ADCK1: variants seen among roughly 807,000 people sequenced by gnomAD.
The protein encoded by ADCK1 is aarF domain containing kinase 1.
A neutral mutation model predicts 52.3 loss-of-function variants in ADCK1; 41 were observed. The observed-to-expected ratio is 0.78, with a 90% CI of 0.61 to 1.02. ADCK1 has a LOEUF of 1.02. Among genes scored for constraint, ADCK1 ranks in the 50% least tolerant of loss-of-function variants. The pLI is 0.00. For missense variants in ADCK1, 658 were observed against 679.5 expected, an observed-to-expected ratio of 0.97 and a Z score of 0.35; for synonymous variants, 250 against 274.6, an observed-to-expected ratio of 0.91 and a Z score of 0.89.
At chr14:77,901,680 G>A (rs1010194966) in intron 6 of ADCK1, among the ~76,000 whole-genome samples, 2 of 152,104 alleles carry the variant, frequency 1.3e-5, no homozygotes, top group African/African-American at 2.4e-5. Flanking sequence ...GTGAGCCACC[G>A]CGGCCGGCCG....
At chr14:77,894,484 G>T (rs938725615) in intron 5 of ADCK1, among the ~76,000 whole-genome samples, 1 of 152,070 alleles carries the variant, frequency 6.6e-6, no homozygotes, top group Non-Finnish European at 1.5e-5. Flanking sequence ...GTCCTGTGTC[G>T]TTGTGTTGTG....
rs1225906507 is a variant in ADCK1, at chr14:77,931,551, C to T, written c.1240C>T (p.Leu414Phe). 2 of 1,614,106 alleles carry T rather than the reference C, an allele frequency of 1.2e-6. No homozygotes were observed. The highest frequency in any genetic ancestry group is 2.2e-5 in the South Asian group (2 of 91,092). ...LEIRNNAANY[L>F]PQISHLLNHV... ...GATTCGCAACAACGCGGCCAACTAC[C>T]TCCCCCAGATCAGCCATCTCCTCAA... The change falls in exon 10 of 11, where the codon CTC becomes TTC. Residue 414 changes from leucine to phenylalanine, a missense_variant. Physicochemically the swap from Leu to Phe is conservative, Grantham distance 22 (BLOSUM62 0). Transcript: ENST00000238561.
At chr14:77,879,222 C>T (rs144363763) in intron 4 of ADCK1, among the ~76,000 whole-genome samples, 289 of 152,308 alleles carry the variant, frequency 1.9e-3, no homozygotes, top group African/African-American at 6.7e-3. Flanking sequence ...TTAGGAAATA[C>T]TTACCGAGTA....
chr14:77,931,720 G>T lies in ADCK1; in HGVS notation c.1400+9G>T. On this transcript the variant is annotated intron_variant, in intron 10 of 10. Coordinates refer to ENST00000238561, the MANE Select transcript of ADCK1 (RefSeq NM_020421.4). Reference sequence around the variant, plus strand: ...ATCAGAGCGCTAGCTGAGTGAGTGTGGGCTCCTCCCTCTCCTCCCCTCCTA... The same window carrying T: ...ATCAGAGCGCTAGCTGAGTGAGTGTTGGCTCCTCCCTCTCCTCCCCTCCTA... 1 of 1,598,262 alleles carries T rather than the reference G, an allele frequency of 6.3e-7. No homozygotes were observed. Among genetic ancestry groups the T allele is most frequent in the Non-Finnish European group, 8.5e-7 (1 of 1,177,460 alleles).
intron 3 of ADCK1, among the ~76,000 whole-genome samples, chr14:77,828,314 T>A (rs2081764759): frequency 6.6e-6 from 1 of 152,210 alleles, no homozygotes; most frequent in South Asian, 2.1e-4. Context: ...TTGCCCCTGT[T>A]CCGTTTATAA....
rs1322278919 is a variant in ADCK1 at position 77,838,785 on chromosome 14, C to CCTGG, written c.219+16269_219+16272dup. Among the ~76,000 whole-genome samples, 10 of 152,342 alleles carry CCTGG rather than the reference C, an allele frequency of 6.6e-5. No individual in the cohort carries two copies. In the East Asian group the frequency reaches 1.5e-3, roughly 23 times the overall value. ...TGAAGGGGGATGTCTCTCTGCTGTG[C>CCTGG]CTGGCCACAGTGCAGACTATCTAAG... On this transcript the variant is annotated intron_variant, in intron 3 of 10. Coordinates refer to ENST00000238561, the MANE Select transcript of ADCK1 (RefSeq NM_020421.4).
At chr14:77,828,206 C>G (rs111515268) in intron 3 of ADCK1, among the ~76,000 whole-genome samples, 3,165 of 152,200 alleles carry the variant, frequency 0.021, 121 homozygotes, top group African/African-American at 0.073. Context: ...TCAGGTGATT[C>G]ACCTGCCTTG....
At chr14:77,909,426 C>T (rs1024465221) in intron 7 of ADCK1, among the ~76,000 whole-genome samples, 15 of 152,148 alleles carry the variant, frequency 9.9e-5, no homozygotes, top group Non-Finnish European at 1.5e-4. Context: ...TGAGCCACCG[C>T]GCCTGGCTGT....
chr14:77,852,660 A>AATAT (rs370053776), intron 3 of ADCK1, among the ~76,000 whole-genome samples: 61 of 31,704 alleles, frequency 1.9e-3, no homozygotes, highest in Non-Finnish European at 2.5e-3. Context: ...TAAATAAATA[A>AATAT]ATATATATAT....
rs573757219 is a variant in ADCK1 at position 77,884,649 on chromosome 14, G to A, written c.424-2442G>A. 9.1e-4 allele frequency among the ~76,000 whole-genome samples: 139 copies of A among 152,280 alleles called. 1 individual carries two copies. Among genetic ancestry groups the A allele is most frequent in the African/African-American group, 3.2e-3 (131 of 41,542 alleles). Reference sequence around the variant, plus strand: ...CAAGAGGCTCAAACACCGTGGCCCGGGTTCACTCCCTCTGTCTCTGCAGCA... The same window carrying A: ...CAAGAGGCTCAAACACCGTGGCCCGAGTTCACTCCCTCTGTCTCTGCAGCA... On this transcript the variant is annotated intron_variant, in intron 4 of 10. Coordinates refer to ENST00000238561, the MANE Select transcript of ADCK1 (RefSeq NM_020421.4).
intron 4 of ADCK1, among the ~76,000 whole-genome samples, chr14:77,860,855 C>T (rs2080817): frequency 0.38 from 57,714 of 152,046 alleles, 11,747 homozygotes; most frequent in Admixed American, 0.51. Flanking sequence ...TCATTGCTGG[C>T]GTGTGGCAGC....
chr14:77,812,412 C>T (rs757423721), intron 1 of ADCK1, among the ~76,000 whole-genome samples: 5 of 152,098 alleles, frequency 3.3e-5, no homozygotes, highest in Non-Finnish European at 5.9e-5. Flanking sequence ...GCTTATTTCA[C>T]TTAGCAAAAT....
At chr14:77,848,943 A>G (rs937866403) in intron 3 of ADCK1, among the ~76,000 whole-genome samples, 2 of 151,812 alleles carry the variant, frequency 1.3e-5, no homozygotes, top group Non-Finnish European at 2.9e-5. Context: ...CTCCTGCCTC[A>G]GCCTCCTGAG....
At chr14:77,867,780 T>C (rs763657884) in intron 4 of ADCK1, among the ~76,000 whole-genome samples, 25 of 152,204 alleles carry the variant, frequency 1.6e-4, no homozygotes, top group Non-Finnish European at 1.3e-4. Context: ...TGAATCCTGG[T>C]GTCACCATGT....
At chr14:77,869,699 A>C (rs577840102) in intron 4 of ADCK1, among the ~76,000 whole-genome samples, 1 of 152,148 alleles carries the variant, frequency 6.6e-6, no homozygotes, top group Non-Finnish European at 1.5e-5. Context: ...GATGTGTTAC[A>C]TTGTAGTTAG....
chr14:77,842,933 A>G (rs1165148146), intron 3 of ADCK1, among the ~76,000 whole-genome samples: 9 of 137,240 alleles, frequency 6.6e-5, no homozygotes, highest in Non-Finnish European at 6.2e-5. Flanking sequence ...TCTGTCATCC[A>G]GGCTGGAATG....
At chr14:77,848,147 C>T (rs1460742664) in intron 3 of ADCK1, among the ~76,000 whole-genome samples, 1 of 152,190 alleles carries the variant, frequency 6.6e-6, no homozygotes, top group Non-Finnish European at 1.5e-5. Context: ...TCAAGCAGTC[C>T]TCCTATCTTG....
At chr14:77,878,235 A>T (rs2082941469) in intron 4 of ADCK1, among the ~76,000 whole-genome samples, 1 of 152,274 alleles carries the variant, frequency 6.6e-6, no homozygotes, top group Non-Finnish European at 1.5e-5. Flanking sequence ...TTAGTCACTT[A>T]GTAAACATAT....
At chr14:77,898,276 G>T (rs1055486526) in intron 5 of ADCK1, among the ~76,000 whole-genome samples, 1 of 152,096 alleles carries the variant, frequency 6.6e-6, no homozygotes, top group African/African-American at 2.4e-5. Flanking sequence ...CAACAGAAAA[G>T]GGATGATAAG....
Sources: allele counts gnomAD v4.1 joint callset (sites outside exome capture counted in the v4.1 genomes callset), GRCh38; gene constraint gnomAD v4.1.1; transcripts MANE v1.5; gene names NCBI Gene and HGNC (gene_info 2026-07-23, HGNC 2026-07-21).